GPM6A: variants seen among roughly 807,000 people sequenced by gnomAD.
The protein encoded by GPM6A is neuronal membrane glycoprotein M6-a.
Under a neutral mutation model 32.1 loss-of-function variants are expected in GPM6A, and 7 were observed. The observed-to-expected ratio is 0.22, with a 90% CI of 0.12 to 0.41. The LOEUF (loss-of-function observed/expected upper bound fraction) is 0.41, where lower values mean the gene tolerates loss of function less well. Among genes scored for constraint, GPM6A ranks in the 10% least tolerant of loss-of-function variants. The probability of loss-of-function intolerance (pLI) is 1.00; values close to 1 mark genes in which losing one functional copy is unlikely to be tolerated. For synonymous variants in GPM6A, 130 were observed against 123.4 expected (o/e 1.05, Z -0.35); for missense variants, 235 against 347.2 (o/e 0.68, Z 2.57).
intron 3 of GPM6A, among the ~76,000 whole-genome samples, chr4:175,652,379 T>A (rs759418643): frequency 8.5e-5 from 13 of 152,238 alleles, no homozygotes; most frequent in Non-Finnish European, 1.8e-4. Context: ...GTCAATAAAT[T>A]TCCATAGGAC....
At position 175,911,085 on chromosome 4, in the gene GPM6A, C is replaced by T. The variant is rs151269582; in HGVS notation, c.-23+91224G>A. Among the ~76,000 whole-genome samples, 3 of 152,216 alleles carry T rather than the reference C, an allele frequency of 2.0e-5. No homozygotes were observed. In the East Asian group the frequency reaches 5.8e-4, roughly 29 times the overall value. On this transcript the variant is annotated intron_variant, in intron 1 of 7. Coordinates refer to the GPM6A transcript ENST00000280187. ...AAACCAGGGTGGTGAAATAACCTCC[C>T]AAATCTTGGGCTGCCTAGGCCAGAA...
At chr4:175,965,303 A>T (rs928190450) in intron 1 of GPM6A, among the ~76,000 whole-genome samples, 13 of 152,200 alleles carry the variant, frequency 8.5e-5, no homozygotes, top group Non-Finnish European at 1.8e-4. Flanking sequence ...TTAGACAAAA[A>T]TTTACATAAT....
chr4:175,842,635 T>G (rs1735975489), intron 1 of GPM6A, among the ~76,000 whole-genome samples: 1 of 152,154 alleles, frequency 6.6e-6, no homozygotes, highest in Non-Finnish European at 1.5e-5. Flanking sequence ...AGTTCAATGC[T>G]TCAGTGAGCC....
intron 1 of GPM6A, among the ~76,000 whole-genome samples, chr4:175,889,791 T>A (rs1265475640): frequency 6.6e-6 from 1 of 151,462 alleles, no homozygotes; most frequent in South Asian, 2.1e-4. Context: ...CCAGCCTGGG[T>A]GACAGAGCGA....
chr4:175,763,014 C>G (rs139201071), intron 1 of GPM6A, among the ~76,000 whole-genome samples: 144 of 152,110 alleles, frequency 9.5e-4, no homozygotes, highest in Non-Finnish European at 1.8e-3. Flanking sequence ...CACAATGCTG[C>G]CTGTGTTCTA....
chr4:175,940,575 T>A (rs1293034392), intron 1 of GPM6A, among the ~76,000 whole-genome samples: 1 of 152,110 alleles, frequency 6.6e-6, no homozygotes, highest in Non-Finnish European at 1.5e-5. Context: ...TGAATAGAAA[T>A]ACCTATAACA....
At chr4:175,807,808 T>A (rs1478972965) in intron 1 of GPM6A, among the ~76,000 whole-genome samples, 1 of 152,296 alleles carries the variant, frequency 6.6e-6, no homozygotes, top group East Asian at 1.9e-4. Context: ...GGCAGGCAGC[T>A]ATGGCCATCT....
At chr4:175,636,544 C>T (rs185997849) in intron 6 of GPM6A, among the ~76,000 whole-genome samples, 1 of 150,144 alleles carries the variant, frequency 6.7e-6, no homozygotes, top group African/African-American at 2.4e-5. Context: ...GCCTGTAATC[C>T]CAGCACTTTG....
chr4:175,932,261 G>C (rs1219159746), intron 1 of GPM6A, among the ~76,000 whole-genome samples: 1 of 152,078 alleles, frequency 6.6e-6, no homozygotes, highest in African/African-American at 2.4e-5. Context: ...AAACCCTGAG[G>C]GCTCTTCCAT....
intron 1 of GPM6A, among the ~76,000 whole-genome samples, chr4:175,949,632 T>C (rs1739735362): frequency 6.6e-6 from 1 of 152,210 alleles, no homozygotes; most frequent in Non-Finnish European, 1.5e-5. Context: ...TTGCATCTTC[T>C]TATCAAGAGC....
intron 1 of GPM6A, among the ~76,000 whole-genome samples, chr4:175,705,621 C>T (rs980250194): frequency 1.3e-5 from 2 of 152,164 alleles, no homozygotes; most frequent in Non-Finnish European, 2.9e-5. Context: ...AGAGGAACAG[C>T]CTTGGCAGAG....
intron 1 of GPM6A, among the ~76,000 whole-genome samples, chr4:175,765,511 C>T (rs1274984637): frequency 6.6e-6 from 1 of 152,160 alleles, no homozygotes; most frequent in African/African-American, 2.4e-5. Context: ...TCAAACATTT[C>T]TCTTTTCTTT....
intron 1 of GPM6A, among the ~76,000 whole-genome samples, chr4:175,753,344 C>G (rs1432582677): frequency 6.7e-6 from 1 of 149,624 alleles, no homozygotes; most frequent in East Asian, 1.9e-4. Flanking sequence ...GATACTAACA[C>G]AGTCAGGTTA....
rs149774829 is a variant in GPM6A at position 175,901,576 on chromosome 4, T to C, written c.-22-89327A>G. ...TCTCATATATTTTTTGGTGGGAGTG[T>C]AAATTTATAACTATTTTAGAAAAAG... On this transcript the variant is annotated intron_variant, in intron 1 of 7. Coordinates refer to the GPM6A transcript ENST00000280187. Among the ~76,000 whole-genome samples the C allele has an allele frequency of 3.9e-4, 59 of 151,450 alleles. 1 individual carries two copies. The East Asian group carries it at 8.7e-3, about 22-fold the overall frequency.
intron 1 of GPM6A, among the ~76,000 whole-genome samples, chr4:175,713,938 T>G (rs1220806202): frequency 1.3e-5 from 2 of 152,222 alleles, no homozygotes; most frequent in East Asian, 3.8e-4. Flanking sequence ...TTGTTCTACT[T>G]TGTCATAGAT....
At chr4:175,963,583 A>T (rs1253228974) in intron 1 of GPM6A, among the ~76,000 whole-genome samples, 1 of 152,184 alleles carries the variant, frequency 6.6e-6, no homozygotes, top group Non-Finnish European at 1.5e-5. Flanking sequence ...ATCAGGAAAA[A>T]TGAAAATTGA....
Position 175,965,606 on chromosome 4 carries a change from A to ATTTCTCTC in GPM6A, c.-23+36695_-23+36702dup. Reference sequence around the variant, plus strand: ...GAATATCAGAAATGAAAGAGGGACTATTTCTCTCTTTTTTTTTTTTTTTCC... The same window carrying ATTTCTCTC: ...GAATATCAGAAATGAAAGAGGGACTATTTCTCTCTTTCTCTCTTTTTTTTTTTTTTTCC... On this transcript the variant is annotated intron_variant, in intron 1 of 7. Transcript: ENST00000280187. Among the ~76,000 whole-genome samples the ATTTCTCTC allele has an allele frequency of 2.0e-5, 3 of 148,822 alleles. No homozygotes were observed. In the East Asian group the frequency reaches 5.9e-4, roughly 29 times the overall value.
chr4:175,841,417 T>C (rs993727297), intron 1 of GPM6A, among the ~76,000 whole-genome samples: 6 of 152,148 alleles, frequency 3.9e-5, no homozygotes, highest in African/African-American at 1.4e-4. Context: ...CTCCAGGATC[T>C]TGAGAAATCC....
At chr4:175,664,655 T>C (rs1742632230) in intron 3 of GPM6A, among the ~76,000 whole-genome samples, 1 of 152,236 alleles carries the variant, frequency 6.6e-6, no homozygotes, top group Non-Finnish European at 1.5e-5. Flanking sequence ...CATCCTGATC[T>C]AGCACACGGA....
Sources: allele counts gnomAD v4.1 joint callset (sites outside exome capture counted in the v4.1 genomes callset), GRCh38; gene constraint gnomAD v4.1.1; transcripts MANE v1.5; gene names NCBI Gene and HGNC (gene_info 2026-07-23, HGNC 2026-07-21).